Variants in MAGI2 observed in about 807,000 individuals in gnomAD.
MAGI2 encodes the protein membrane associated guanylate kinase, WW and PDZ domain containing 2, also known as membrane-associated guanylate kinase, WW and PDZ domain-containing protein 2.
Under a neutral mutation model 133.3 loss-of-function variants are expected in MAGI2, and 35 were observed. That is an observed-to-expected ratio of 0.26 (90% CI 0.20 to 0.35). MAGI2 has a LOEUF of 0.35. MAGI2 is among the 10% of genes least tolerant of loss of function. MAGI2 has a pLI of 1.00. For missense variants in MAGI2, 1,636 were observed against 1,863.4 expected, an observed-to-expected ratio of 0.88 and a Z score of 2.25; for synonymous variants, 729 against 710.6, an observed-to-expected ratio of 1.03 and a Z score of -0.41.
intron 20 of MAGI2, among the ~76,000 whole-genome samples, chr7:78,081,495 G>A (rs977627096): frequency 9.9e-5 from 15 of 152,156 alleles, no homozygotes; most frequent in African/African-American, 3.6e-4. Context: ...CCCAGAAAGT[G>A]GGGGTGGTGG....
At chr7:78,857,958 G>C (rs1793805850) in intron 2 of MAGI2, among the ~76,000 whole-genome samples, 1 of 152,100 alleles carries the variant, frequency 6.6e-6, no homozygotes, top group African/African-American at 2.4e-5. Context: ...CAGCGATTCA[G>C]CTTCTTCCTG....
intron 1 of MAGI2, among the ~76,000 whole-genome samples, chr7:79,277,894 T>C (rs1835351360): frequency 6.6e-6 from 1 of 152,146 alleles, no homozygotes; most frequent in Non-Finnish European, 1.5e-5. Flanking sequence ...TCTCCCAGTA[T>C]CTGTAAAAGG....
intron 10 of MAGI2, among the ~76,000 whole-genome samples, chr7:78,212,360 C>A (rs1787850889): frequency 6.6e-6 from 1 of 152,158 alleles, no homozygotes; most frequent in Non-Finnish European, 1.5e-5. Context: ...CAGGTGGGCC[C>A]AACCTACTAC....
intron 2 of MAGI2, among the ~76,000 whole-genome samples, chr7:78,813,501 A>T (rs1789256636): frequency 6.6e-6 from 1 of 152,130 alleles, no homozygotes; most frequent in African/African-American, 2.4e-5. Flanking sequence ...AACTATCAGC[A>T]GGGGCCGGGC....
rs116727136 is a variant in MAGI2, at chr7:78,604,749, A to G, written c.538+22371T>C. Among the ~76,000 whole-genome samples the G allele has an allele frequency of 6.8e-3, 1,031 of 152,352 alleles. 11 individuals are homozygous for G. The highest frequency in any genetic ancestry group is 0.023 in the African/African-American group (966 of 41,588). On this transcript the variant is annotated intron_variant, in intron 3 of 21. Coordinates refer to ENST00000354212, the MANE Select transcript of MAGI2 (RefSeq NM_012301.4). ...AAGAAATGTATTTCTCTGTTTCAATATATTGTTGCTAATACCAATTGTTGT... is the reference window on the plus strand; with the variant it reads ...AAGAAATGTATTTCTCTGTTTCAATGTATTGTTGCTAATACCAATTGTTGT...
intron 6 of MAGI2, among the ~76,000 whole-genome samples, chr7:78,456,168 C>T (rs983063618): frequency 3.3e-5 from 5 of 151,696 alleles, no homozygotes; most frequent in African/African-American, 1.2e-4. Flanking sequence ...TCTATTTTAC[C>T]TTTAATATTA....
intron 2 of MAGI2, among the ~76,000 whole-genome samples, chr7:78,852,859 A>G (rs1056307975): frequency 2.0e-5 from 3 of 152,166 alleles, no homozygotes; most frequent in African/African-American, 7.2e-5. Context: ...TTTGGATTAT[A>G]GTCAGTCTCA....
chr7:78,922,690 T>A (rs13246036), intron 2 of MAGI2, among the ~76,000 whole-genome samples: 1 of 152,172 alleles, frequency 6.6e-6, no homozygotes, highest in Non-Finnish European at 1.5e-5. Flanking sequence ...TGATTTATAG[T>A]CCTTTGGGTA....
intron 2 of MAGI2, among the ~76,000 whole-genome samples, chr7:78,847,037 A>G (rs1200087404): frequency 6.6e-6 from 1 of 152,002 alleles, no homozygotes; most frequent in Non-Finnish European, 1.5e-5. Flanking sequence ...TCTGCTATTT[A>G]TAATTGACAT....
At chr7:78,482,742 G>A (rs1045007667) in intron 6 of MAGI2, among the ~76,000 whole-genome samples, 2 of 151,726 alleles carry the variant, frequency 1.3e-5, no homozygotes, top group African/African-American at 4.8e-5. Flanking sequence ...CAAGGGTCAG[G>A]GATTGGTCAG....
intron 1 of MAGI2, among the ~76,000 whole-genome samples, chr7:79,116,789 C>T (rs1398754058): frequency 6.6e-6 from 1 of 152,062 alleles, no homozygotes; most frequent in Non-Finnish European, 1.5e-5. Flanking sequence ...CCTGTTTCTG[C>T]CCCCTTCTCT....
At chr7:79,025,604 G>A (rs1248597507) in intron 1 of MAGI2, among the ~76,000 whole-genome samples, 1 of 152,002 alleles carries the variant, frequency 6.6e-6, no homozygotes, top group African/African-American at 2.4e-5. Context: ...GAGTAAAATA[G>A]CTATTGGGTA....
At chr7:79,254,922 A>T (rs1376406216) in intron 1 of MAGI2, among the ~76,000 whole-genome samples, 1 of 152,176 alleles carries the variant, frequency 6.6e-6, no homozygotes, top group East Asian at 1.9e-4. Flanking sequence ...ATTCCATAGA[A>T]GTTCACGGGA....
At chr7:79,320,757 T>C (rs1839124034) in intron 1 of MAGI2, among the ~76,000 whole-genome samples, 1 of 152,148 alleles carries the variant, frequency 6.6e-6, no homozygotes, top group Non-Finnish European at 1.5e-5. Context: ...CCAAATATCA[T>C]GTATCCATAT....
At chr7:79,268,402 G>A (rs892089691) in intron 1 of MAGI2, among the ~76,000 whole-genome samples, 6 of 152,076 alleles carry the variant, frequency 3.9e-5, no homozygotes, top group African/African-American at 1.4e-4. Context: ...AGGGCCAAAG[G>A]CATTGACGAT....
intron 3 of MAGI2, among the ~76,000 whole-genome samples, chr7:78,571,385 T>C (rs1380964437): frequency 6.6e-6 from 1 of 152,122 alleles, no homozygotes; most frequent in Non-Finnish European, 1.5e-5. Context: ...ATAAAGAACA[T>C]TTGGGGAATA....
intron 1 of MAGI2, among the ~76,000 whole-genome samples, chr7:79,227,179 T>TG (rs1830932172): frequency 6.6e-6 from 1 of 152,178 alleles, no homozygotes; most frequent in East Asian, 1.9e-4. Flanking sequence ...AATTACTGTC[T>TG]ATTATCACTA....
chr7:78,531,338 CAAG>C (rs1797455578), intron 3 of MAGI2, among the ~76,000 whole-genome samples: 1 of 151,814 alleles, frequency 6.6e-6, no homozygotes, highest in Non-Finnish European at 1.5e-5. Context: ...CTCAGTCTCC[CAAG>C]TAGCTGGGGC....
At chr7:78,622,591 T>C (rs1220183079) in intron 3 of MAGI2, among the ~76,000 whole-genome samples, 1 of 151,984 alleles carries the variant, frequency 6.6e-6, no homozygotes, top group East Asian at 1.9e-4. Context: ...TAGTTTTCCC[T>C]GACAAAATGA....
Sources: gnomAD v4.1 joint callset for allele counts (sites outside exome capture counted in the v4.1 genomes callset) on GRCh38, gnomAD v4.1.1 for gene constraint, MANE v1.5 for transcripts, NCBI Gene and HGNC (gene_info 2026-07-23, HGNC 2026-07-21) for gene names.